CRACD: variants seen among roughly 807,000 people sequenced by gnomAD.
CRACD encodes capping protein-inhibiting regulator of actin dynamics.
In CRACD, 56 loss-of-function variants were observed where a neutral mutation model predicts 106.8. The ratio of observed to expected loss-of-function variants is 0.52; its 90% CI spans 0.42 to 0.66. The LOEUF (loss-of-function observed/expected upper bound fraction) is 0.66, where lower values mean the gene tolerates loss of function less well. Ranked by LOEUF, CRACD falls within the 30% of genes least tolerant of loss-of-function variation. CRACD has a pLI of 0.00. For synonymous variants in CRACD, 754 were observed against 670.8 expected, an observed-to-expected ratio of 1.12 and a Z score of -1.92; for missense variants, 1,730 against 1,623.2, an observed-to-expected ratio of 1.07 and a Z score of -1.13.
intron 1 of CRACD, among the ~76,000 whole-genome samples, chr4:56,083,747 A>C (rs888163730): frequency 1.3e-5 from 2 of 152,092 alleles, no homozygotes; most frequent in Admixed American, 6.6e-5. Context: ...GGGTTGAGGC[A>C]GGTAGATCAC....
In CRACD at chr4:56,295,498, G is replaced by A. The variant is rs188694718; in HGVS notation, c.-16-2716G>A. Reference sequence around the variant, plus strand: ...TTTGCCGGCAACAGGAATGTTTGGAGTTCAACACCAAAGAGCAGGAGAGTG... The same window carrying A: ...TTTGCCGGCAACAGGAATGTTTGGAATTCAACACCAAAGAGCAGGAGAGTG... On this transcript the variant is annotated intron_variant, in intron 3 of 10. Transcript: ENST00000682029. 3.7e-3 allele frequency among the ~76,000 whole-genome samples: 560 copies of A among 151,824 alleles called. 9 individuals carry two copies. Among genetic ancestry groups the A allele is most frequent in the Non-Finnish European group, 2.5e-3 (173 of 67,966 alleles).
chr4:56,197,944 T>C, intron 2 of CRACD, among the ~76,000 whole-genome samples: 1 of 152,326 alleles, frequency 6.6e-6, no homozygotes, highest in East Asian at 1.9e-4. Flanking sequence ...CCCAAAATGC[T>C]GGAATTACAG....
chr4:56,066,470 G>C (rs1732470441), intron 1 of CRACD, among the ~76,000 whole-genome samples: 1 of 152,164 alleles, frequency 6.6e-6, no homozygotes, highest in South Asian at 2.1e-4. Context: ...TTAAGTCCAG[G>C]AGGTTGAGGC....
intron 10 of CRACD, 47 bp downstream of exon 10, chr4:56,324,313 T>A: frequency 6.4e-7 from 1 of 1,567,676 alleles, no homozygotes; most frequent in South Asian, 1.2e-5. Context: ...CAGGTTTCTC[T>A]TTGTAGAGCG....
intron 2 of CRACD, among the ~76,000 whole-genome samples, chr4:56,205,618 A>G (rs1317299755): frequency 6.6e-6 from 1 of 152,028 alleles, no homozygotes; most frequent in African/African-American, 2.4e-5. Flanking sequence ...ATTTTAGAAA[A>G]AAGTACTTGT....
At chr4:56,058,670 T>G (rs1385003706) in intron 1 of CRACD, among the ~76,000 whole-genome samples, 1 of 152,198 alleles carries the variant, frequency 6.6e-6, no homozygotes, top group Non-Finnish European at 1.5e-5. Flanking sequence ...TGATCAAAAT[T>G]TTTTGTCTGC....
intron 1 of CRACD, among the ~76,000 whole-genome samples, chr4:56,127,006 A>G (rs557345292): frequency 6.6e-6 from 1 of 152,332 alleles, no homozygotes; most frequent in Non-Finnish European, 1.5e-5. Context: ...TTAATCCCCA[A>G]TGTGACAGTG....
At chr4:56,074,060 A>G (rs1167421179) in intron 1 of CRACD, among the ~76,000 whole-genome samples, 2 of 152,066 alleles carry the variant, frequency 1.3e-5, no homozygotes, top group Admixed American at 6.6e-5. Flanking sequence ...CCATTGGTCT[A>G]TATATCTGTT....
At chr4:56,156,505 G>A (rs1007757071) in intron 1 of CRACD, among the ~76,000 whole-genome samples, 1 of 152,242 alleles carries the variant, frequency 6.6e-6, no homozygotes, top group Non-Finnish European at 1.5e-5. Flanking sequence ...GAGTGGTAAT[G>A]AAGCTTCAAT....
chr4:56,277,141 AG>A (rs796714471), intron 3 of CRACD, among the ~76,000 whole-genome samples: 9 of 152,318 alleles, frequency 5.9e-5, no homozygotes, highest in African/African-American at 2.2e-4. Context: ...CAACTCTGTG[AG>A]GCCAGTGTTA....
intron 1 of CRACD, among the ~76,000 whole-genome samples, chr4:56,144,449 G>C (rs970578657): frequency 6.6e-6 from 1 of 152,176 alleles, no homozygotes; most frequent in Admixed American, 6.5e-5. Flanking sequence ...TGACAGCGGT[G>C]AGAACGAGGA....
chr4:56,294,168 C>T (rs1743855056), intron 3 of CRACD, among the ~76,000 whole-genome samples: 1 of 151,038 alleles, frequency 6.6e-6, no homozygotes, highest in Non-Finnish European at 1.5e-5. Context: ...CAAGGTTGCC[C>T]AGCAGCTATG....
At chr4:56,107,494 A>T (rs1054898709) in intron 1 of CRACD, among the ~76,000 whole-genome samples, 2 of 151,942 alleles carry the variant, frequency 1.3e-5, no homozygotes, top group Non-Finnish European at 2.9e-5. Context: ...TTCTAACCTG[A>T]TACTCTTGCT....
chr4:56,137,857 C>A (rs938274884), intron 1 of CRACD, among the ~76,000 whole-genome samples: 2 of 152,166 alleles, frequency 1.3e-5, no homozygotes, highest in Non-Finnish European at 2.9e-5. Context: ...TGTCTCTAAA[C>A]AAACAAGCAA....
At chr4:56,077,820 A>C (rs1045573302) in intron 1 of CRACD, among the ~76,000 whole-genome samples, 1 of 152,206 alleles carries the variant, frequency 6.6e-6, no homozygotes, top group Admixed American at 6.5e-5. Context: ...AAATTCTACC[A>C]CAGCAGGGTT....
intron 2 of CRACD, among the ~76,000 whole-genome samples, chr4:56,228,863 A>G (rs1265439795): frequency 6.6e-6 from 1 of 152,218 alleles, no homozygotes; most frequent in Non-Finnish European, 1.5e-5. Flanking sequence ...CCAGAAGTTA[A>G]AGGTTCCTGT....
At chr4:56,227,969 T>A (rs1445604247) in intron 2 of CRACD, among the ~76,000 whole-genome samples, 6 of 152,158 alleles carry the variant, frequency 3.9e-5, no homozygotes, top group African/African-American at 1.4e-4. Context: ...GTATTGAGGC[T>A]AATTCTTTAC....
intron 1 of CRACD, among the ~76,000 whole-genome samples, chr4:56,141,682 ATTTTTT>A (rs1171920777): frequency 1.3e-4 from 11 of 82,678 alleles, no homozygotes; most frequent in African/African-American, 4.2e-4. Context: ...AGGAAGTACT[ATTTTTT>A]TTTTTTTTTT....
At chr4:56,084,751 G>A (rs1225451862) in intron 1 of CRACD, among the ~76,000 whole-genome samples, 1 of 152,098 alleles carries the variant, frequency 6.6e-6, no homozygotes, top group Non-Finnish European at 1.5e-5. Flanking sequence ...TTGTTTTAAT[G>A]AATGATCATT....
Sources: allele counts gnomAD v4.1 joint callset (sites outside exome capture counted in the v4.1 genomes callset), GRCh38; gene constraint gnomAD v4.1.1; transcripts MANE v1.5; gene names NCBI Gene and HGNC (gene_info 2026-07-23, HGNC 2026-07-21).